The following UBE3A variants were observed in gnomAD, a reference collection of about 807,000 sequenced individuals.
UBE3A encodes ubiquitin-protein ligase E3A.
A neutral mutation model predicts 83.4 loss-of-function variants in UBE3A; 6 were observed. The ratio of observed to expected loss-of-function variants is 0.07; its 90% CI spans 0.04 to 0.14. The LOEUF (loss-of-function observed/expected upper bound fraction) is 0.14, where lower values mean the gene tolerates loss of function less well. Ranked by LOEUF, UBE3A falls within the 10% of genes least tolerant of loss-of-function variation. The pLI is 1.00. For missense variants in UBE3A, 456 were observed against 1,036.1 expected (o/e 0.44, Z 7.69); for synonymous variants, 337 against 355.4 (o/e 0.95, Z 0.58).
chr15:25,346,869 T>C (rs1048248269), intron 11 of UBE3A: 1 of 152,092 alleles, frequency 6.6e-6, no homozygotes, highest in African/African-American at 2.4e-5. Context: ...GACTCAACAT[T>C]TGTATCATTA....
At chr15:25,353,396 C>A (rs1050296918) in intron 11 of UBE3A, among the ~76,000 whole-genome samples, 5 of 152,146 alleles carry the variant, frequency 3.3e-5, no homozygotes, top group African/African-American at 1.2e-4. Context: ...CGTGTGTATA[C>A]CAAAATCCAT....
intron 11 of UBE3A, among the ~76,000 whole-genome samples, chr15:25,342,312 G>A (rs529963186): frequency 1.3e-5 from 2 of 151,968 alleles, no homozygotes; most frequent in African/African-American, 4.8e-5. Context: ...GAGCACCACC[G>A]AAGAACAGAG....
chr15:25,430,524 A>C (rs1466145685), intron 1 of UBE3A, among the ~76,000 whole-genome samples: 1 of 151,042 alleles, frequency 6.6e-6, no homozygotes, highest in African/African-American at 2.4e-5. Flanking sequence ...CTCCCCTCCT[A>C]GGAATGCCAT....
intron 4 of UBE3A, among the ~76,000 whole-genome samples, chr15:25,386,182 G>C (rs779180096): frequency 1.3e-5 from 2 of 152,126 alleles, no homozygotes; most frequent in Non-Finnish European, 2.9e-5. Flanking sequence ...TCACAGTCCA[G>C]AGGCATAAGC....
chr15:25,374,638 G>A (rs1346975545), intron 5 of UBE3A: 1 of 152,136 alleles, frequency 6.6e-6, no homozygotes, highest in Non-Finnish European at 1.5e-5. Flanking sequence ...TTTCAAACTT[G>A]ATTCAAATGA....
At chr15:25,427,815 A>C in intron 1 of UBE3A, among the ~76,000 whole-genome samples, 1 of 147,398 alleles carries the variant, frequency 6.8e-6, no homozygotes, top group East Asian at 2.0e-4. Flanking sequence ...AAAAAAAAAA[A>C]AGGTGGGTGG....
At chr15:25,400,669 A>T (rs1455755004) in intron 4 of UBE3A, among the ~76,000 whole-genome samples, 1 of 152,124 alleles carries the variant, frequency 6.6e-6, no homozygotes, top group Non-Finnish European at 1.5e-5. Flanking sequence ...TATATCTTAC[A>T]ACTTTACTGA....
At chr15:25,368,251 C>G (rs1370327371) in intron 6 of UBE3A, among the ~76,000 whole-genome samples, 2 of 152,088 alleles carry the variant, frequency 1.3e-5, no homozygotes, top group East Asian at 3.9e-4. Flanking sequence ...CTATGTGTTA[C>G]TAAAATATGT....
chr15:25,382,860 T>C (rs373812347), intron 4 of UBE3A, among the ~76,000 whole-genome samples: 164 of 152,216 alleles, frequency 1.1e-3, no homozygotes, highest in African/African-American at 3.9e-3. Context: ...TGAGAACGGA[T>C]AGACACATCA....
chr15:25,387,000 A>T (rs1170801718), intron 4 of UBE3A, among the ~76,000 whole-genome samples: 1 of 152,116 alleles, frequency 6.6e-6, no homozygotes, highest in Non-Finnish European at 1.5e-5. Flanking sequence ...GTAAAATAAA[A>T]CCTTTTATTT....
chr15:25,381,051 G>T (rs918832475), intron 4 of UBE3A, among the ~76,000 whole-genome samples: 1 of 152,200 alleles, frequency 6.6e-6, no homozygotes, highest in Non-Finnish European at 1.5e-5. Context: ...CACCTAGAGG[G>T]ATGTGTACTA....
chr15:25,426,766 A>G (rs942554287), intron 1 of UBE3A, among the ~76,000 whole-genome samples: 3 of 152,178 alleles, frequency 2.0e-5, no homozygotes, highest in Non-Finnish European at 4.4e-5. Context: ...AACAGTAAAC[A>G]TATGAGAACA....
chr15:25,354,777 A>G, intron 9 of UBE3A, 94 bp from the exon 10 acceptor site: 2 of 1,147,350 alleles, frequency 1.7e-6, no homozygotes, highest in Non-Finnish European at 1.2e-6. Context: ...TTTTTCCAAG[A>G]AAAAAACATT....
chr15:25,383,179 A>G (rs912471383), intron 4 of UBE3A, among the ~76,000 whole-genome samples: 2 of 152,248 alleles, frequency 1.3e-5, no homozygotes. Flanking sequence ...ACAATGCATT[A>G]AAAAGATTAT....
intron 4 of UBE3A, among the ~76,000 whole-genome samples, chr15:25,401,609 T>C (rs1241625643): frequency 6.6e-6 from 1 of 152,236 alleles, no homozygotes; most frequent in African/African-American, 2.4e-5. Flanking sequence ...TATGATCCTC[T>C]TATTTCTTGT....
chr15:25,364,635 T>A, intron 6 of UBE3A, among the ~76,000 whole-genome samples: 1 of 120,226 alleles, frequency 8.3e-6, no homozygotes, highest in Non-Finnish European at 1.7e-5. Context: ...TTTTAGGGTT[T>A]TTTTTGTTTG....
At chr15:25,415,329 CATTTT>C (rs1377073836) in intron 1 of UBE3A, among the ~76,000 whole-genome samples, 1 of 152,180 alleles carries the variant, frequency 6.6e-6, no homozygotes, top group East Asian at 1.9e-4. Flanking sequence ...AACTCCTTCA[CATTTT>C]ATTTGAGGCC....
intron 6 of UBE3A, among the ~76,000 whole-genome samples, chr15:25,363,477 A>C (rs1024802298): frequency 5.3e-5 from 8 of 152,222 alleles, no homozygotes; most frequent in African/African-American, 1.4e-4. Flanking sequence ...CAACTAATTT[A>C]ATCTTCACAA....
chr15:25,370,742 G>A lies in UBE3A; in HGVS notation c.1432C>T (p.Pro478Ser). Reference protein sequence around the residue: ...TENKFSFMTCPFILNAVTKNL... With the variant: ...TENKFSFMTCSFILNAVTKNL... ...TTTGTGACAGCATTCAATATAAAGG[G>A]ACATGTCATAAAAGAGAATTTGTTC... The change falls in exon 6 of 13, where the codon CCC becomes TCC. Residue 478 changes from proline (P) to serine (S), a missense_variant. This residue lies in a region of UBE3A where 58 missense variants were observed against 237.1 expected (regional missense o/e 0.24). Transcript: ENST00000648336. This position sits in a 1 kb window ranked among gnomAD's most constrained non-coding sequence, Gnocchi z 4.2. The A allele has an allele frequency of 6.2e-7, 1 of 1,613,980 alleles. No individual in the cohort carries two copies. The highest frequency in any genetic ancestry group is 8.5e-7 in the Non-Finnish European group (1 of 1,179,960).
Sources: gnomAD v4.1 joint callset for allele counts (sites outside exome capture counted in the v4.1 genomes callset) on GRCh38, gnomAD v4.1.1 for gene constraint, gnomAD v4.1.1 regional missense constraint, Gnocchi (gnomAD v3.1) non-coding constraint, MANE v1.5 for transcripts, NCBI Gene and HGNC (gene_info 2026-07-23, HGNC 2026-07-21) for gene names.